Variants in TRMT44 observed in about 807,000 individuals in gnomAD.
The protein encoded by TRMT44 is tRNA methyltransferase 44 homolog, also known as probable tRNA (uracil-O(2)-)-methyltransferase.
In TRMT44, 78 loss-of-function variants were observed where a neutral mutation model predicts 77.3. That is an observed-to-expected ratio of 1.01 (90% CI 0.84 to 1.22). The LOEUF (loss-of-function observed/expected upper bound fraction) is 1.22, where lower values mean the gene tolerates loss of function less well. Ranked by LOEUF, TRMT44 falls within the 50% of genes most tolerant of loss-of-function variation. The pLI, the probability that TRMT44 is intolerant of heterozygous loss-of-function variation, is 0.00. For synonymous variants in TRMT44, 391 were observed against 383.3 expected (o/e 1.02, Z -0.23); for missense variants, 1,090 against 964.4 (o/e 1.13, Z -1.73).
chr4:8,465,801 C>T (rs1346668507), intron 8 of TRMT44, among the ~76,000 whole-genome samples: 1 of 152,198 alleles, frequency 6.6e-6, no homozygotes, highest in Non-Finnish European at 1.5e-5. Context: ...GCCAAGCCCT[C>T]CTTGCCTCTC....
chr4:8,502,816 C>G, the TRMT44 span, among the ~76,000 whole-genome samples: 1,603 of 152,300 alleles, frequency 0.011, 28 homozygotes, highest in African/African-American at 0.037. Context: ...TCCCAGATCC[C>G]GCTTACACTC....
At chr4:8,479,956 C>T (rs1007795080), downstream of TRMT44, among the ~76,000 whole-genome samples, 9 of 152,090 alleles carry the variant, frequency 5.9e-5, no homozygotes, top group Non-Finnish European at 1.3e-4. Context: ...CGGCTCACTA[C>T]AGTGAGCCTC....
chr4:8,471,078 C>T lies in TRMT44; in HGVS notation c.1928-6C>T. 1 of 1,571,478 alleles carries T rather than the reference C, an allele frequency of 6.4e-7. No individual in the cohort carries two copies. Among genetic ancestry groups the T allele is most frequent in the Non-Finnish European group, 8.6e-7 (1 of 1,163,676 alleles). On this transcript the variant is annotated splice_polypyrimidine_tract_variant and splice_region_variant and intron_variant, in intron 9 of 10. Coordinates refer to ENST00000389737, the MANE Select transcript of TRMT44 (RefSeq NM_152544.3). The stretch of plus-strand genomic sequence containing the variant: ...TTGGGGAAAAAAAAAACCCGTTTTT[C>T]CACAGAGAGCCTATCTCTGGCAGAA...
At chr4:8,516,488 C>T in the TRMT44 span, among the ~76,000 whole-genome samples, 1 of 152,204 alleles carries the variant, frequency 6.6e-6, no homozygotes, top group South Asian at 2.1e-4. Context: ...AAAAACCTCA[C>T]CCCAGCCCAG....
chr4:8,459,344 T>C, intron 6 of TRMT44, among the ~76,000 whole-genome samples: 1 of 152,350 alleles, frequency 6.6e-6, no homozygotes, highest in South Asian at 2.1e-4. Flanking sequence ...AAGGTAAATG[T>C]ATTTTATGTA....
rs761311536 is a variant in TRMT44, at chr4:8,449,949, C to CTTTTCTTTTCTTTTTT, written c.954+65_954+66insCTTTTCTTTTTTTTTT. On this transcript the variant is annotated intron_variant, in intron 3 of 10. Coordinates refer to ENST00000389737, the MANE Select transcript of TRMT44 (RefSeq NM_152544.3). The stretch of plus-strand genomic sequence containing the variant: ...TCATGATTTTCTTTTCTTTTCTTTT[C>CTTTTCTTTTCTTTTTT]TTTTTTTTTTTTTTTTTTTTTTTTT... 80 of 239,002 alleles carry CTTTTCTTTTCTTTTTT rather than the reference C, an allele frequency of 3.3e-4. 2 individuals carry two copies. Among genetic ancestry groups the CTTTTCTTTTCTTTTTT allele is most frequent in the African/African-American group, 8.9e-4 (12 of 13,442 alleles). 14.8% of individuals were successfully genotyped at this position (239,002 alleles called of 1,614,324 possible). A position where few individuals can be genotyped will look rare whatever the true frequency, so the allele number is the denominator to read the frequency against.
chr4:8,484,912 T>C (rs1223744371), intron 2 of TRMT44, among the ~76,000 whole-genome samples: 2 of 152,144 alleles, frequency 1.3e-5, no homozygotes, highest in Non-Finnish European at 2.9e-5. Context: ...TGAAGAATTA[T>C]GCCGAGATAG....
intron 2 of TRMT44, among the ~76,000 whole-genome samples, chr4:8,481,797 T>C (rs1350249095): frequency 6.6e-6 from 1 of 152,236 alleles, no homozygotes; most frequent in Non-Finnish European, 1.5e-5. Context: ...AGAAGGTCTT[T>C]AGGGGACTAG....
At chr4:8,455,085 G>A (rs1725715954) in intron 6 of TRMT44, 6 of 529,596 alleles carry the variant, frequency 1.1e-5, no homozygotes, top group African/African-American at 1.9e-5. Context: ...TATCTTGTGT[G>A]GGGTGCTCCC....
intron 8 of TRMT44, among the ~76,000 whole-genome samples, chr4:8,466,388 C>T (rs923229971): frequency 6.6e-6 from 1 of 152,230 alleles, no homozygotes; most frequent in Non-Finnish European, 1.5e-5. Flanking sequence ...GCCCGGGTCT[C>T]TGTGGGGGCT....
chr4:8,450,798 T>TG (rs1725397381), intron 3 of TRMT44, among the ~76,000 whole-genome samples: 3 of 146,140 alleles, frequency 2.1e-5, no homozygotes, highest in South Asian at 4.6e-4. Context: ...CCATGTTTTT[T>TG]TTTTTTTTTT....
chr4:8,474,071 T>TG (rs1727205134), intron 10 of TRMT44, among the ~76,000 whole-genome samples: 1 of 151,836 alleles, frequency 6.6e-6, no homozygotes, highest in African/African-American at 2.4e-5. Flanking sequence ...CCTGTCACGT[T>TG]GTGGTGGGGA....
At chr4:8,450,030 G>C in intron 3 of TRMT44, 142 bp downstream of exon 3, 1 of 539,038 alleles carries the variant, frequency 1.9e-6, no homozygotes, top group South Asian at 2.2e-5. Context: ...GAAGTGGTGT[G>C]ATCTTGGCTC....
the TRMT44 span, among the ~76,000 whole-genome samples, chr4:8,508,587 C>T: frequency 1.3e-5 from 2 of 152,234 alleles, no homozygotes; most frequent in Admixed American, 6.5e-5. Context: ...GGAAGGGACC[C>T]CATCCTCAGC....
In TRMT44 at chr4:8,441,096, G is replaced by T. The variant is rs1724646534; in HGVS notation, c.274G>T (p.Glu92Ter). ...GPGPRSLSGP[E>*]QGTACCELEE... Reference sequence around the variant, plus strand: ...GGGTCCCAGGTCGCTATCAGGACCCGAGCAGGGCACGGCATGTTGCGAACT... The same window carrying T: ...GGGTCCCAGGTCGCTATCAGGACCCTAGCAGGGCACGGCATGTTGCGAACT... The change falls in exon 1 of 11, where the codon GAG becomes TAG. Residue 92 changes from glutamate (E) to a stop codon, truncating the protein, a stop_gained. Coordinates refer to ENST00000389737, the MANE Select transcript of TRMT44 (RefSeq NM_152544.3). LOFTEE classifies it high-confidence loss of function. 1.3e-6 allele frequency: 2 copies of T among 1,510,710 alleles called. No homozygotes were observed. The highest frequency in any genetic ancestry group is 1.4e-5 in the African/African-American group (1 of 72,310). The allele number at this position is 1,510,710 out of a possible 1,614,324, so 93.6% of individuals were successfully genotyped here.
intron 9 of TRMT44, 77 bp from the exon 10 acceptor site, chr4:8,471,007 G>A (rs1007505827): frequency 4.0e-6 from 4 of 997,052 alleles, no homozygotes; most frequent in Admixed American, 4.2e-5. Flanking sequence ...AACTGAAATG[G>A]ACTGTTTCTG....
downstream of TRMT44, among the ~76,000 whole-genome samples, chr4:8,493,815 T>C (rs770469361): frequency 6.6e-5 from 10 of 151,968 alleles, no homozygotes; most frequent in African/African-American, 1.2e-4. Flanking sequence ...GCCACAGCTC[T>C]GGTGGAATGG....
intron 6 of TRMT44, among the ~76,000 whole-genome samples, chr4:8,460,854 C>G (rs1181548761): frequency 2.0e-5 from 3 of 151,778 alleles, no homozygotes; most frequent in Non-Finnish European, 4.4e-5. Flanking sequence ...CGCAGCCCCC[C>G]TTTTATTTTT....
chr4:8,514,861 G>T, the TRMT44 span, among the ~76,000 whole-genome samples: 1 of 152,254 alleles, frequency 6.6e-6, no homozygotes, highest in African/African-American at 2.4e-5. Flanking sequence ...AGCAGCAGCA[G>T]TGTGGAGCAC....
Sources: gnomAD v4.1 joint callset for allele counts (sites outside exome capture counted in the v4.1 genomes callset) on GRCh38, gnomAD v4.1.1 for gene constraint, MANE v1.5 for transcripts, NCBI Gene and HGNC (gene_info 2026-07-23, HGNC 2026-07-21) for gene names.